Variants in FBXW4 observed in about 807,000 individuals in gnomAD.
FBXW4 encodes F-box/WD repeat-containing protein 4.
FBXW4 carries 40 observed loss-of-function variants against 61.8 expected under a neutral mutation model. The observed-to-expected ratio is 0.65, with a 90% CI of 0.50 to 0.84. The LOEUF is 0.84. Ranked by LOEUF, FBXW4 falls within the 40% of genes least tolerant of loss-of-function variation. The probability of loss-of-function intolerance (pLI) is 0.00; values close to 1 mark genes in which losing one functional copy is unlikely to be tolerated. For synonymous variants in FBXW4, 311 were observed against 313.8 expected (o/e 0.99, Z 0.10); for missense variants, 672 against 753.8 (o/e 0.89, Z 1.27).
At chr10:101,675,631 G>C (rs2064400786) in intron 2 of FBXW4, among the ~76,000 whole-genome samples, 1 of 152,214 alleles carries the variant, frequency 6.6e-6, no homozygotes, top group South Asian at 2.1e-4. Flanking sequence ...AGGGCCGCCT[G>C]TGTCTTCAGC....
chr10:101,614,327 C>T (rs2063810542), intron 6 of FBXW4, among the ~76,000 whole-genome samples: 1 of 152,188 alleles, frequency 6.6e-6, no homozygotes, highest in African/African-American at 2.4e-5. Flanking sequence ...GCTCTACCTG[C>T]CCACCCTGGT....
At chr10:101,653,626 C>A (rs2064161681) in intron 5 of FBXW4, among the ~76,000 whole-genome samples, 1 of 152,226 alleles carries the variant, frequency 6.6e-6, no homozygotes, top group Admixed American at 6.5e-5. Flanking sequence ...AACAAGGCTA[C>A]AGCTTTCCTC....
chr10:101,615,245 C>T (rs2063817538), intron 6 of FBXW4, among the ~76,000 whole-genome samples: 1 of 152,088 alleles, frequency 6.6e-6, no homozygotes, highest in Non-Finnish European at 1.5e-5. Context: ...AGGGCTGCTG[C>T]TCAGAGCCCC....
chr10:101,665,695 G>A (rs1227170887), intron 5 of FBXW4, among the ~76,000 whole-genome samples: 2 of 152,176 alleles, frequency 1.3e-5, no homozygotes, highest in African/African-American at 4.8e-5. Context: ...TCAGTTTACT[G>A]TAATCTTAAA....
chr10:101,621,032 C>G (rs1230469864), intron 6 of FBXW4, among the ~76,000 whole-genome samples: 1 of 152,194 alleles, frequency 6.6e-6, no homozygotes, highest in East Asian at 1.9e-4. Flanking sequence ...CAGCCCGCCA[C>G]CCGGCTTGTG....
intron 5 of FBXW4, among the ~76,000 whole-genome samples, chr10:101,636,461 T>C (rs927691093): frequency 6.6e-6 from 1 of 151,386 alleles, no homozygotes; most frequent in African/African-American, 2.4e-5. Context: ...CAAACACACA[T>C]AGTATTTAAT....
chr10:101,633,835 G>A (rs1026874135), intron 5 of FBXW4, among the ~76,000 whole-genome samples: 1 of 152,270 alleles, frequency 6.6e-6, no homozygotes, highest in Middle Eastern at 3.4e-3. Context: ...TCCAGGCTGG[G>A]CGTGGTGGCT....
chr10:101,675,862 C>A (rs904085350), intron 2 of FBXW4, among the ~76,000 whole-genome samples: 2 of 152,174 alleles, frequency 1.3e-5, no homozygotes, highest in Non-Finnish European at 2.9e-5. Flanking sequence ...ATATCCAAAC[C>A]TTTAGATCCT....
intron 5 of FBXW4, among the ~76,000 whole-genome samples, chr10:101,628,608 A>G (rs1259475642): frequency 2.0e-5 from 3 of 152,178 alleles, no homozygotes; most frequent in Admixed American, 6.5e-5. Flanking sequence ...TCTGCTTCCT[A>G]AAGGAATAAT....
At chr10:101,692,430 A>G (rs1415364444) in intron 1 of FBXW4, among the ~76,000 whole-genome samples, 7 of 152,182 alleles carry the variant, frequency 4.6e-5, no homozygotes, top group East Asian at 1.9e-4. Context: ...TCTTGCACCA[A>G]AAGTGATATT....
intron 5 of FBXW4, 121 bp from the exon 6 acceptor site, chr10:101,624,931 G>A: frequency 1.9e-6 from 2 of 1,076,238 alleles, no homozygotes; most frequent in Non-Finnish European, 2.8e-6. Flanking sequence ...CAGAATGAGA[G>A]AAGTGGCCAA....
In FBXW4 at chr10:101,695,051, C is replaced by G. The variant is rs2064662111; in HGVS notation, c.55G>C (p.Glu19Gln). 1 of 1,001,652 alleles carries G rather than the reference C, an allele frequency of 1.0e-6. No individual in the cohort carries two copies. Among genetic ancestry groups the G allele is most frequent in the South Asian group, 4.7e-5 (1 of 21,466 alleles). 62.0% of individuals were successfully genotyped at this position (1,001,652 alleles called of 1,614,324 possible). A position where few individuals can be genotyped will look rare whatever the true frequency, so the allele number is the denominator to read the frequency against. Residue 19 changes from glutamate (E) to glutamine (Q), a missense_variant, in exon 1 of 9, where the codon GAG becomes CAG. Coordinates refer to ENST00000331272, the MANE Select transcript of FBXW4 (RefSeq NM_022039.4). This position sits in a 1 kb window ranked among gnomAD's most constrained non-coding sequence, Gnocchi z 4.2. Reference protein sequence around the residue: ...PPGNGGPGEGEGGEARKLQEG... With the variant: ...PPGNGGPGEGQGGEARKLQEG... ...TGCAGCTTCCTCGCCTCTCCGCCCTCGCCCTCGCCGGGCCCGCCGTTCCCG... is the reference window on the plus strand; with the variant it reads ...TGCAGCTTCCTCGCCTCTCCGCCCTGGCCCTCGCCGGGCCCGCCGTTCCCG...
intron 5 of FBXW4, chr10:101,626,119 T>C (rs548205366): frequency 1.1e-4 from 17 of 152,454 alleles, no homozygotes; most frequent in Admixed American, 9.1e-4. Context: ...ATACGAGCTA[T>C]CCTGGGGCTT....
chr10:101,617,692 C>CGGGGGT (rs2063836254), intron 6 of FBXW4, among the ~76,000 whole-genome samples: 1 of 152,132 alleles, frequency 6.6e-6, no homozygotes, highest in Non-Finnish European at 1.5e-5. Context: ...GAAGGGGCAG[C>CGGGGGT]CGCGTAGATA....
At chr10:101,661,389 G>T (rs1273165308) in intron 5 of FBXW4, among the ~76,000 whole-genome samples, 1 of 152,168 alleles carries the variant, frequency 6.6e-6, no homozygotes, top group East Asian at 1.9e-4. Context: ...TGTGGTATTT[G>T]GTCCTTGCTA....
chr10:101,625,769 A>G (rs1043446010), intron 5 of FBXW4: 1 of 152,276 alleles, frequency 6.6e-6, no homozygotes, highest in Non-Finnish European at 1.5e-5. Context: ...GCAAGTTGAA[A>G]GCAGTGGTGT....
intron 5 of FBXW4, among the ~76,000 whole-genome samples, chr10:101,637,066 T>C (rs570877598): frequency 6.6e-6 from 1 of 151,956 alleles, no homozygotes; most frequent in Admixed American, 6.6e-5. Flanking sequence ...ATTTTGAAAA[T>C]TTCCGTTATA....
At chr10:101,666,170 C>CT (rs2064297913) in intron 5 of FBXW4, among the ~76,000 whole-genome samples, 1 of 152,168 alleles carries the variant, frequency 6.6e-6, no homozygotes, top group African/African-American at 2.4e-5. Flanking sequence ...CACACTTAGC[C>CT]TCTCCACTCC....
At chr10:101,645,711 G>A (rs2064090255) in intron 5 of FBXW4, among the ~76,000 whole-genome samples, 1 of 152,202 alleles carries the variant, frequency 6.6e-6, no homozygotes, top group Non-Finnish European at 1.5e-5. Flanking sequence ...GCAGCTTAAG[G>A]TCCAACCAGA....
Sources: gnomAD v4.1 joint callset for allele counts (sites outside exome capture counted in the v4.1 genomes callset) on GRCh38, gnomAD v4.1.1 for gene constraint, Gnocchi (gnomAD v3.1) non-coding constraint, MANE v1.5 for transcripts, NCBI Gene and HGNC (gene_info 2026-07-23, HGNC 2026-07-21) for gene names.